PABIR2: variants seen among roughly 807,000 people sequenced by gnomAD.
PABIR2 encodes the protein family with sequence similarity 122B.
PABIR2 carries 7 observed loss-of-function variants against 22.8 expected under a neutral mutation model. That is an observed-to-expected ratio of 0.31 (90% CI 0.17 to 0.58). The LOEUF is 0.58. Ranked by LOEUF, PABIR2 falls within the 20% of genes least tolerant of loss-of-function variation. The pLI, the probability that PABIR2 is intolerant of heterozygous loss-of-function variation, is 0.89. For synonymous variants in PABIR2, 67 were observed against 73.8 expected (o/e 0.91, Z 0.47); for missense variants, 155 against 205.1 (o/e 0.76, Z 1.49).
chrX:134,783,419 G>C (rs778367608), intron 8 of PABIR2, among the ~76,000 whole-genome samples: 12 of 112,348 alleles, frequency 1.1e-4, no homozygotes, highest in Middle Eastern at 4.6e-3. Flanking sequence ...GAAACCACTT[G>C]CTGAATTGCT....
chrX:134,778,779 G>A (rs1003084608), intron 9 of PABIR2, among the ~76,000 whole-genome samples: 5 of 110,884 alleles, frequency 4.5e-5, no homozygotes, highest in Admixed American at 9.6e-5. Context: ...TCTATGAGTG[G>A]CTGTGAATAA....
chrX:134,777,118 G>A (rs1315559724), intron 9 of PABIR2, among the ~76,000 whole-genome samples: 1 of 112,236 alleles, frequency 8.9e-6, no homozygotes, highest in Non-Finnish European at 1.9e-5. Context: ...CCTTAGTTTT[G>A]TTATCAAGTA....
chrX:134,788,043 T>A (rs971461126), intron 6 of PABIR2, among the ~76,000 whole-genome samples: 2 of 107,860 alleles, frequency 1.9e-5, no homozygotes, highest in Non-Finnish European at 3.8e-5. Flanking sequence ...ATATGTAATA[T>A]ATATGTAATA....
At chrX:134,793,596 T>C (rs1451487320) in intron 2 of PABIR2, 2 of 493,826 alleles carry the variant, frequency 4.1e-6, no homozygotes, top group Admixed American at 5.5e-5. Context: ...ATGAACAATT[T>C]TAAAAAATAC....
At position 134,770,378 on chromosome X, in the gene PABIR2, C is replaced by T. The variant is rs371161622; in HGVS notation, c.*1761G>A. ...GATGAGAGCAATACAAGAAATAAAG[C>T]CATTAATGGCTGTTATGGTTACAAT... On this transcript the variant is annotated 3_prime_UTR_variant, in exon 10 of 10. Transcript: ENST00000343004. 3.6e-5 allele frequency: 4 copies of T among 112,321 alleles called. No individual in the cohort carries two copies. Among genetic ancestry groups the T allele is most frequent in the African/African-American group, 1.3e-4 (4 of 30,854 alleles). 9.3% of individuals were successfully genotyped at this position (112,321 alleles called of 1,213,427 possible).
chrX:134,782,528 G>GA (rs200797640), intron 8 of PABIR2, among the ~76,000 whole-genome samples: 3,447 of 111,977 alleles, frequency 0.031, 34 homozygotes, highest in Middle Eastern at 0.055. Flanking sequence ...ATTGCTAATA[G>GA]AAAAACTTTG....
chrX:134,771,936 C>T lies in PABIR2; in HGVS notation c.*203G>A. The stretch of plus-strand genomic sequence containing the variant: ...TTAATCACTAAATCCAAAATGAGAT[C>T]AGCAAAACCAGATACTAGTAAGGTC... On this transcript the variant is annotated 3_prime_UTR_variant, in exon 10 of 10. Transcript: ENST00000343004. 1.0e-6 allele frequency: 1 copy of T among 954,815 alleles called. No individual in the cohort carries two copies. Among genetic ancestry groups the T allele is most frequent in the Middle Eastern group, 4.3e-4 (1 of 2,305 alleles). 78.7% of individuals were successfully genotyped at this position (954,815 alleles called of 1,213,427 possible). A position where few individuals can be genotyped will look rare whatever the true frequency, so the allele number is the denominator to read the frequency against.
rs1290570921 is a variant in PABIR2 at position 134,772,075 on chromosome X, C to T, written c.*64G>A. ...CCTCATTATGGATCAAAGTTCTCTG[C>T]GTTCCCCACTAAACATTTTATGTAG... On this transcript the variant is annotated 3_prime_UTR_variant, in exon 10 of 10. Coordinates refer to ENST00000343004, the MANE Select transcript of PABIR2 (RefSeq NM_001387468.1). 1.4e-5 allele frequency: 16 copies of T among 1,129,366 alleles called. No homozygotes were observed. Among genetic ancestry groups the T allele is most frequent in the South Asian group, 2.3e-5 (1 of 43,392 alleles). The allele number at this position is 1,129,366 out of a possible 1,213,427, so 93.1% of individuals were successfully genotyped here.
chrX:134,790,170 A>T (rs113222497), intron 2 of PABIR2, among the ~76,000 whole-genome samples: 1,709 of 112,383 alleles, frequency 0.015, 31 homozygotes, highest in African/African-American at 0.051. Context: ...CTATCACTAC[A>T]AATCTTACTA....
intron 9 of PABIR2, among the ~76,000 whole-genome samples, chrX:134,778,970 T>C (rs146776659): frequency 0.092 from 10,212 of 110,524 alleles, 1,154 homozygotes; most frequent in African/African-American, 0.32. Context: ...CCCGCCACCA[T>C]GCCAGGCTAA....
At chrX:134,789,776 T>C in intron 2 of PABIR2, 140 bp from the exon 3 acceptor site, 3 of 511,424 alleles carry the variant, frequency 5.9e-6, no homozygotes, top group Non-Finnish European at 9.4e-6. Context: ...TGAACGTTAA[T>C]GCACTAAAGG....
chrX:134,788,446 GTGTTATATA>G (rs1486728226), intron 6 of PABIR2, among the ~76,000 whole-genome samples: 1 of 97,442 alleles, frequency 1.0e-5, no homozygotes, highest in Admixed American at 1.1e-4. Context: ...CGTTATATAT[GTGTTATATA>G]TGTTATATAT....
chrX:134,784,827 T>C (rs964779198), intron 8 of PABIR2, among the ~76,000 whole-genome samples: 5 of 111,264 alleles, frequency 4.5e-5, no homozygotes, highest in Non-Finnish European at 9.4e-5. Context: ...TGTTGACTGA[T>C]ACTAAACTAA....
chrX:134,790,122 T>G (rs2079502713), intron 2 of PABIR2, among the ~76,000 whole-genome samples: 2 of 112,526 alleles, frequency 1.8e-5, no homozygotes, highest in Non-Finnish European at 3.8e-5. Flanking sequence ...GAGGTTTTGC[T>G]TTCACGATCC....
At chrX:134,774,458 G>C (rs750046317) in intron 9 of PABIR2, among the ~76,000 whole-genome samples, 1 of 111,361 alleles carries the variant, frequency 9.0e-6, no homozygotes, top group Non-Finnish European at 1.9e-5. Flanking sequence ...TATAAATAAA[G>C]AATTCTTTAT....
chrX:134,783,224 T>A, intron 8 of PABIR2, among the ~76,000 whole-genome samples: 1 of 112,322 alleles, frequency 8.9e-6, no homozygotes, highest in Non-Finnish European at 1.9e-5. Flanking sequence ...AATACAAATA[T>A]TGTCACCATA....
chrX:134,789,182 G>C (rs1249154683), intron 4 of PABIR2, 41 bp downstream of exon 4: 1 of 1,210,441 alleles, frequency 8.3e-7, no homozygotes, highest in Admixed American at 2.2e-5. Context: ...TTACAAACAA[G>C]ACACTTATTA....
intron 9 of PABIR2, among the ~76,000 whole-genome samples, chrX:134,772,747 T>C (rs1422830661): frequency 8.9e-6 from 1 of 111,776 alleles, no homozygotes; most frequent in African/African-American, 3.3e-5. Flanking sequence ...TCAACTCCCC[T>C]AGAGTTATCA....
At chrX:134,795,531 C>A (rs144879249) in intron 1 of PABIR2, among the ~76,000 whole-genome samples, 130 of 111,889 alleles carry the variant, frequency 1.2e-3, no homozygotes, top group African/African-American at 3.8e-3. Context: ...CTAAAACCTG[C>A]CTTTTCACTG....
Sources: gnomAD v4.1 joint callset for allele counts (sites outside exome capture counted in the v4.1 genomes callset) on GRCh38, gnomAD v4.1.1 for gene constraint, MANE v1.5 for transcripts, NCBI Gene and HGNC (gene_info 2026-07-23, HGNC 2026-07-21) for gene names.